SASH1: variants seen among roughly 807,000 people sequenced by gnomAD.
The protein encoded by SASH1 is SAM and SH3 domain containing 1, also known as SAM and SH3 domain-containing protein 1.
A neutral mutation model predicts 125.2 loss-of-function variants in SASH1; 44 were observed. The observed-to-expected ratio is 0.35, with a 90% CI of 0.28 to 0.45. SASH1 has a LOEUF of 0.45. Ranked by LOEUF, SASH1 falls within the 20% of genes least tolerant of loss-of-function variation. The pLI, the probability that SASH1 is intolerant of heterozygous loss-of-function variation, is 1.00. For missense variants in SASH1, 1,426 were observed against 1,614.5 expected, an observed-to-expected ratio of 0.88 and a Z score of 2.00; for synonymous variants, 639 against 649.1, an observed-to-expected ratio of 0.98 and a Z score of 0.24.
At chr6:148,218,277 A>G in the SASH1 span, among the ~76,000 whole-genome samples, 13 of 152,202 alleles carry the variant, frequency 8.5e-5, no homozygotes, top group African/African-American at 2.9e-4. Context: ...AAAGAGGAAG[A>G]GGAAAAAAGA....
At chr6:148,323,337 T>A (rs1195122694) in intron 1 of SASH1, among the ~76,000 whole-genome samples, 1 of 152,066 alleles carries the variant, frequency 6.6e-6, no homozygotes, top group Admixed American at 6.6e-5. Flanking sequence ...AAATAAAAAA[T>A]AAACATACCT....
At chr6:148,217,860 A>AAT in the SASH1 span, among the ~76,000 whole-genome samples, 1 of 151,388 alleles carries the variant, frequency 6.6e-6, no homozygotes, top group East Asian at 1.9e-4. Context: ...AAAAAAAAAA[A>AAT]AAAAATTAGC....
intron 1 of SASH1, among the ~76,000 whole-genome samples, chr6:148,274,278 C>A (rs1054576117): frequency 1.3e-5 from 2 of 152,178 alleles, no homozygotes; most frequent in Admixed American, 1.3e-4. Context: ...AATCTTCCAA[C>A]AGAACAAAGC....
chr6:148,355,767 T>G (rs1781906595), intron 1 of SASH1, among the ~76,000 whole-genome samples: 1 of 152,214 alleles, frequency 6.6e-6, no homozygotes, highest in Non-Finnish European at 1.5e-5. Context: ...GAAGTGCTGC[T>G]CTAGAGATTA....
intron 1 of SASH1, among the ~76,000 whole-genome samples, chr6:148,358,733 GTTTTTTTT>G (rs10673654): frequency 8.3e-6 from 1 of 120,922 alleles, no homozygotes; most frequent in Non-Finnish European, 1.7e-5. Flanking sequence ...CCATGTTTTT[GTTTTTTTT>G]TTTTTTTTTT....
chr6:148,279,495 C>T (rs1301232243), intron 1 of SASH1, among the ~76,000 whole-genome samples: 1 of 152,150 alleles, frequency 6.6e-6, no homozygotes, highest in Admixed American at 6.5e-5. Context: ...TTCTGGTTGC[C>T]ATGGGGTAGC....
intron 1 of SASH1, among the ~76,000 whole-genome samples, chr6:148,349,964 G>T (rs1781665042): frequency 6.6e-6 from 1 of 151,826 alleles, no homozygotes; most frequent in South Asian, 2.1e-4. Context: ...TCCTGCCTCA[G>T]CCTCCTGCGC....
At chr6:148,369,072 C>T (rs948853205) in intron 1 of SASH1, among the ~76,000 whole-genome samples, 4 of 152,274 alleles carry the variant, frequency 2.6e-5, no homozygotes, top group East Asian at 3.9e-4. Flanking sequence ...GAAACAGACA[C>T]GTGCATTGGC....
At chr6:148,482,106 A>C (rs543405869) in intron 7 of SASH1, among the ~76,000 whole-genome samples, 2 of 152,330 alleles carry the variant, frequency 1.3e-5, no homozygotes, top group South Asian at 2.1e-4. Context: ...TTATGTGAGT[A>C]ATTTGTTTGT....
chr6:148,437,014 C>A (rs1033488000), intron 2 of SASH1, among the ~76,000 whole-genome samples: 3 of 152,184 alleles, frequency 2.0e-5, no homozygotes, highest in African/African-American at 7.2e-5. Flanking sequence ...CTATTTCTGT[C>A]TACATTGTGA....
At chr6:148,438,277 G>C (rs1439315051) in intron 2 of SASH1, among the ~76,000 whole-genome samples, 3 of 152,202 alleles carry the variant, frequency 2.0e-5, no homozygotes, top group Non-Finnish European at 2.9e-5. Flanking sequence ...TGCCATTTAA[G>C]TTTGTAAATT....
chr6:148,293,179 CA>C (rs1262162137), intron 1 of SASH1, among the ~76,000 whole-genome samples: 7 of 152,188 alleles, frequency 4.6e-5, no homozygotes, highest in African/African-American at 1.7e-4. Flanking sequence ...GCAACCTGCA[CA>C]CCCTAAACGA....
At chr6:148,301,426 C>T (rs1225024734) in intron 1 of SASH1, among the ~76,000 whole-genome samples, 3 of 151,778 alleles carry the variant, frequency 2.0e-5, no homozygotes, top group South Asian at 4.2e-4. Flanking sequence ...CCACCATGCC[C>T]GGCTAATTTT....
intron 1 of SASH1, among the ~76,000 whole-genome samples, chr6:148,326,377 T>TATATATATATATA (rs1780825015): frequency 3.0e-5 from 1 of 33,460 alleles, no homozygotes; most frequent in African/African-American, 8.6e-5. Context: ...TATATATACA[T>TATATATATATATA]TCTTTTCTTT....
intron 1 of SASH1, among the ~76,000 whole-genome samples, chr6:148,306,528 C>T (rs1230445450): frequency 6.6e-6 from 1 of 152,156 alleles, no homozygotes; most frequent in Non-Finnish European, 1.5e-5. Flanking sequence ...AAAGCAGCTG[C>T]TACTTCAACC....
At chr6:148,347,758 C>CCTT (rs1781568147) in intron 1 of SASH1, among the ~76,000 whole-genome samples, 1 of 151,628 alleles carries the variant, frequency 6.6e-6, no homozygotes, top group Non-Finnish European at 1.5e-5. Context: ...TATGATGTTC[C>CCTT]TTTTAGCCCA....
chr6:148,233,220 A>G, the SASH1 span, among the ~76,000 whole-genome samples: 3 of 151,740 alleles, frequency 2.0e-5, no homozygotes, highest in Admixed American at 6.6e-5. Context: ...ATCTTAAAAA[A>G]AAAAAAAAAA....
intron 1 of SASH1, among the ~76,000 whole-genome samples, chr6:148,379,744 A>G (rs928497087): frequency 6.6e-6 from 1 of 152,172 alleles, no homozygotes; most frequent in African/African-American, 2.4e-5. Flanking sequence ...GTTTTCATAA[A>G]CTCTAAAGTT....
At chr6:148,471,563 A>G (rs2115126313) in intron 6 of SASH1, 60 bp downstream of exon 6, 2 of 1,008,220 alleles carry the variant, frequency 2.0e-6, no homozygotes, top group Non-Finnish European at 3.1e-6. Flanking sequence ...GAAGAATCCT[A>G]TGCGGCTAAT....
Sources: allele counts gnomAD v4.1 joint callset (sites outside exome capture counted in the v4.1 genomes callset), GRCh38; gene constraint gnomAD v4.1.1; transcripts MANE v1.5; gene names NCBI Gene and HGNC (gene_info 2026-07-23, HGNC 2026-07-21).